Variants in ACTN1 observed in about 807,000 individuals in gnomAD.
ACTN1 encodes actinin alpha 1, also known as alpha-actinin-1.
A neutral mutation model predicts 119.6 loss-of-function variants in ACTN1; 30 were observed. That is an observed-to-expected ratio of 0.25 (90% CI 0.19 to 0.34). ACTN1 has a LOEUF of 0.34. ACTN1 is among the 10% of genes least tolerant of loss of function. ACTN1 has a pLI of 1.00. For synonymous variants in ACTN1, 429 were observed against 472.6 expected (o/e 0.91, Z 1.20); for missense variants, 764 against 1,223.4 (o/e 0.62, Z 5.60).
chr14:68,918,464 T>C (rs976305499), intron 3 of ACTN1, among the ~76,000 whole-genome samples: 2 of 150,908 alleles, frequency 1.3e-5, no homozygotes, highest in African/African-American at 4.9e-5. Context: ...TGGGCGCCTG[T>C]AGTCCCAGCT....
chr14:68,876,807 A>G (rs991050049), intron 21 of ACTN1, among the ~76,000 whole-genome samples: 1 of 152,116 alleles, frequency 6.6e-6, no homozygotes, highest in Non-Finnish European at 1.5e-5. Flanking sequence ...ACACCACTCT[A>G]TTCTCATCTG....
chr14:68,878,217 A>T lies in ACTN1; in HGVS notation c.2427+241T>A. ...GCTGTCCACAGTGGGAGTGAGAAGT[A>T]CCAGAAGATGAAGTGGCACAGAGAT... is the stretch of plus-strand genomic sequence containing the variant. On this transcript the variant is annotated intron_variant, in intron 20 of 21. Coordinates refer to ENST00000394419, the MANE Select transcript of ACTN1 (RefSeq NM_001130004.2). The surrounding 1 kb of genome is among the most constrained non-coding windows in gnomAD (Gnocchi z 4.4). The T allele has an allele frequency of 2.1e-6, 1 of 478,582 alleles. No homozygotes were observed. Among genetic ancestry groups the T allele is most frequent in the Non-Finnish European group, 3.7e-6 (1 of 273,528 alleles). 29.6% of individuals were successfully genotyped at this position (478,582 alleles called of 1,614,324 possible). A position where few individuals can be genotyped will look rare whatever the true frequency, so the allele number is the denominator to read the frequency against.
chr14:68,917,784 G>A (rs192060143), intron 3 of ACTN1, among the ~76,000 whole-genome samples: 1 of 152,330 alleles, frequency 6.6e-6, no homozygotes, highest in Non-Finnish European at 1.5e-5. Context: ...GGAACTTTTC[G>A]TCGGGGCGTG....
At chr14:68,902,327 C>A (rs577055294) in intron 8 of ACTN1, 150 bp downstream of exon 8, 2 of 670,932 alleles carry the variant, frequency 3.0e-6, no homozygotes, top group Non-Finnish European at 5.2e-6. Flanking sequence ...AAGAACAACA[C>A]GCCACTTCAG....
chr14:68,915,798 C>G (rs1418468100), intron 3 of ACTN1, among the ~76,000 whole-genome samples: 4 of 152,176 alleles, frequency 2.6e-5, no homozygotes, highest in Non-Finnish European at 5.9e-5. Flanking sequence ...GGACAGATCA[C>G]TTGAGGTCAG....
intron 3 of ACTN1, among the ~76,000 whole-genome samples, chr14:68,919,679 C>A (rs117394473): frequency 1.3e-5 from 2 of 152,306 alleles, no homozygotes; most frequent in East Asian, 3.9e-4. Flanking sequence ...CCTTGCGTGA[C>A]CACCTTGGGC....
At chr14:68,923,354 G>A (rs1179430769) in intron 2 of ACTN1, among the ~76,000 whole-genome samples, 2 of 152,122 alleles carry the variant, frequency 1.3e-5, no homozygotes, top group African/African-American at 2.4e-5. Flanking sequence ...GGGGGGTGGT[G>A]CGGGCAGGGC....
At chr14:68,910,152 C>T in intron 4 of ACTN1, 110 bp from the exon 5 acceptor site, 3 of 768,102 alleles carry the variant, frequency 3.9e-6, no homozygotes, top group East Asian at 2.7e-5. Flanking sequence ...CCTGCAGCTA[C>T]TGAAGGAGGA....
At chr14:68,966,418 G>C (rs2036708373) in intron 1 of ACTN1, among the ~76,000 whole-genome samples, 1 of 152,034 alleles carries the variant, frequency 6.6e-6, no homozygotes, top group Non-Finnish European at 1.5e-5. Context: ...GGTGGTTTCA[G>C]GTGTGACTTA....
Position 68,909,864 on chromosome 14 carries a change from T to C in ACTN1, c.515+91A>G. On this transcript the variant is annotated intron_variant, in intron 5 of 21. Coordinates refer to ENST00000394419, the MANE Select transcript of ACTN1 (RefSeq NM_001130004.2). The surrounding 1 kb of genome is among the most constrained non-coding windows in gnomAD (Gnocchi z 4.1). ...TCCCCCAGAGGTCTCCACTTTGTTC[T>C]AAAGCTGAGACTGACCCAGCCAAGG... 9.0e-7 allele frequency: 1 copy of C among 1,113,620 alleles called. No homozygotes were observed. The highest frequency in any genetic ancestry group is 1.4e-5 in the South Asian group (1 of 72,562). The allele number at this position is 1,113,620 out of a possible 1,614,324, so 69.0% of individuals were successfully genotyped here.
rs28403484 is a variant in ACTN1, at chr14:68,949,429, T to C, written c.106-23757A>G. On this transcript the variant is annotated intron_variant, in intron 1 of 21. Transcript: ENST00000394419. ...CACAGTGTGCCCTCGGGGACCCAAA[T>C]GGCCAGGCCAGCCCTAGCCTCTGCA... 2.2e-3 allele frequency among the ~76,000 whole-genome samples: 342 copies of C among 152,290 alleles called. 1 individual carries two copies. Among genetic ancestry groups the C allele is most frequent in the African/African-American group, 7.7e-3 (322 of 41,574 alleles).
chr14:68,881,704 T>G (rs549129520), intron 16 of ACTN1, among the ~76,000 whole-genome samples: 1 of 152,270 alleles, frequency 6.6e-6, no homozygotes, highest in South Asian at 2.1e-4. Flanking sequence ...GCCTCTTTCC[T>G]GATCTGCTAA....
intron 1 of ACTN1, among the ~76,000 whole-genome samples, chr14:68,952,463 T>G (rs1419825657): frequency 6.6e-6 from 1 of 152,204 alleles, no homozygotes; most frequent in Non-Finnish European, 1.5e-5. Context: ...ACTGCAGAGA[T>G]AAAATGGATG....
chr14:68,948,986 C>T (rs535414572), intron 1 of ACTN1, among the ~76,000 whole-genome samples: 2 of 152,294 alleles, frequency 1.3e-5, no homozygotes, highest in Non-Finnish European at 2.9e-5. Context: ...AGGGCTCTAG[C>T]GAGGAGCTGC....
Position 68,889,317 on chromosome 14 carries a change from G to A in ACTN1, c.1234+822C>T, listed in dbSNP as rs181107419. Among the ~76,000 whole-genome samples, 39 of 152,288 alleles carry A rather than the reference G, an allele frequency of 2.6e-4. No individual in the cohort carries two copies. The East Asian group carries it at 7.3e-3, about 29-fold the overall frequency. ...CTGTAATTGGAGGCCAGGAAATAGA[G>A]GAAAAAGAGCTGAAGAGATGAAAAC... On this transcript the variant is annotated intron_variant, in intron 11 of 21. Coordinates refer to ENST00000394419, the MANE Select transcript of ACTN1 (RefSeq NM_001130004.2).
chr14:68,902,305 C>T lies in ACTN1; in HGVS notation c.762+172G>A, dbSNP rs542291664. On this transcript the variant is annotated intron_variant, in intron 8 of 21. Coordinates refer to ENST00000394419, the MANE Select transcript of ACTN1 (RefSeq NM_001130004.2). Reference sequence around the variant, plus strand: ...TGAGAGAGAGAGGTGTGGGGTGGGACGGGAGCCAGGTAAGAACAACACGCC... The same window carrying T: ...TGAGAGAGAGAGGTGTGGGGTGGGATGGGAGCCAGGTAAGAACAACACGCC... 4.6e-5 allele frequency among the ~76,000 whole-genome samples: 7 copies of T among 152,184 alleles called. No homozygotes were observed. The East Asian group carries it at 7.7e-4, about 17-fold the overall frequency.
intron 1 of ACTN1, among the ~76,000 whole-genome samples, chr14:68,949,781 G>T (rs1184903253): frequency 1.3e-5 from 2 of 152,134 alleles, no homozygotes; most frequent in African/African-American, 4.8e-5. Flanking sequence ...CTTAAAAAGG[G>T]AGGAAATTCT....
intron 10 of ACTN1, among the ~76,000 whole-genome samples, chr14:68,891,550 A>T (rs1258514344): frequency 6.6e-6 from 1 of 152,162 alleles, no homozygotes; most frequent in Non-Finnish European, 1.5e-5. Flanking sequence ...CATTTTTTTT[A>T]AAGTTGATAC....
At chr14:68,966,200 G>C (rs1199506055) in intron 1 of ACTN1, among the ~76,000 whole-genome samples, 1 of 152,202 alleles carries the variant, frequency 6.6e-6, no homozygotes, top group East Asian at 1.9e-4. Context: ...CTGGGTGACA[G>C]AGCGAGACCC....
Sources: allele counts gnomAD v4.1 joint callset (sites outside exome capture counted in the v4.1 genomes callset), GRCh38; gene constraint gnomAD v4.1.1; non-coding constraint Gnocchi (gnomAD v3.1); transcripts MANE v1.5; gene names NCBI Gene and HGNC (gene_info 2026-07-23, HGNC 2026-07-21).